RBMX2: variants seen among roughly 807,000 people sequenced by gnomAD.
The protein encoded by RBMX2 is RNA binding motif protein X-linked 2, also known as RNA-binding motif protein, X-linked 2.
For synonymous variants in RBMX2, 77 were observed against 94.3 expected (o/e 0.82, Z 1.07); for missense variants, 191 against 256.0 (o/e 0.75, Z 1.73).
Position 130,411,355 on chromosome X carries a change from G to C in RBMX2, c.311G>C (p.Gly104Ala). The C allele has an allele frequency of 1.7e-6, 2 of 1,184,915 alleles. No homozygotes were observed. The highest frequency in any genetic ancestry group is 6.0e-5 in the East Asian group (2 of 33,155). Reference sequence around the variant, plus strand: ...ATCGCCTGTCTTGCTTAGATCAAAGGAAGAACTATCCGAGTGGATCATGTG... The same window carrying C: ...ATCGCCTGTCTTGCTTAGATCAAAGCAAGAACTATCCGAGTGGATCATGTG... ...VDNFNGIKIK[G>A]RTIRVDHVSN... The change falls in exon 5 of 6, where the codon GGA becomes GCA. Residue 104 changes from glycine (G) to alanine (A), a missense_variant. Transcript: ENST00000305536.
At chrX:130,402,821 C>T (rs751906413) in intron 2 of RBMX2, among the ~76,000 whole-genome samples, 2 of 112,082 alleles carry the variant, frequency 1.8e-5, no homozygotes, top group South Asian at 7.5e-4. Context: ...CTTTGCTCCT[C>T]TAGCTCCTGC....
chrX:130,409,192 T>C, intron 3 of RBMX2, 65 bp from the exon 4 acceptor site: 2 of 1,014,112 alleles, frequency 2.0e-6, no homozygotes, highest in East Asian at 3.1e-5. Flanking sequence ...TTTTGTTTTA[T>C]TACCTTATCT....
chrX:130,411,242 G>C (rs2034510743), intron 4 of RBMX2, 106 bp from the exon 5 acceptor site: 1 of 795,869 alleles, frequency 1.3e-6, no homozygotes, highest in East Asian at 3.3e-5. Context: ...TTAACAAGAA[G>C]GTAAAGGATG....
At chrX:130,408,121 A>G (rs1402474414) in intron 3 of RBMX2, among the ~76,000 whole-genome samples, 1 of 107,208 alleles carries the variant, frequency 9.3e-6, no homozygotes, top group Non-Finnish European at 1.9e-5. Flanking sequence ...GTGAGCCACC[A>G]TGCCTGGCCT....
chrX:130,406,673 CAA>C (rs760646561), intron 3 of RBMX2, among the ~76,000 whole-genome samples: 20 of 58,683 alleles, frequency 3.4e-4, no homozygotes, highest in Non-Finnish European at 1.7e-4. Flanking sequence ...ACTCTGTCTC[CAA>C]AAAAAAAAAA....
Position 130,413,169 on chromosome X carries a change from G to A in RBMX2, c.*321G>A, listed in dbSNP as rs138318926. On this transcript the variant is annotated 3_prime_UTR_variant, in exon 6 of 6. Transcript: ENST00000305536. ...AGATAATTCTAGAATTCTAGTCTTC[G>A]TGTTAGATGTTTATAGCCCAGCATC... 6 of 159,315 alleles carry A rather than the reference G, an allele frequency of 3.8e-5. No individual in the cohort carries two copies. Among genetic ancestry groups the A allele is most frequent in the Admixed American group, 7.6e-5 (1 of 13,193 alleles). The allele number at this position is 159,315 out of a possible 1,213,427, so 13.1% of individuals were successfully genotyped here.
intron 2 of RBMX2, 58 bp downstream of exon 2, chrX:130,402,428 C>CT (rs1473976569): frequency 8.6e-7 from 1 of 1,164,721 alleles, no homozygotes; most frequent in Non-Finnish European, 1.1e-6. Context: ...CGGTTTCCGA[C>CT]TATTTCGGCA....
At chrX:130,410,892 T>C (rs755407218) in intron 4 of RBMX2, among the ~76,000 whole-genome samples, 1 of 112,196 alleles carries the variant, frequency 8.9e-6, no homozygotes, top group African/African-American at 3.2e-5. Context: ...AGAAAGCAGT[T>C]GTAGCATTAA....
chrX:130,409,008 T>C (rs1489638023), intron 3 of RBMX2, among the ~76,000 whole-genome samples: 2 of 112,105 alleles, frequency 1.8e-5, no homozygotes, highest in Non-Finnish European at 3.8e-5. Flanking sequence ...CAGTGTAAAA[T>C]AATCTTCTTA....
rs756619458 is a variant in RBMX2 at position 130,412,566 on chromosome X, G to A, written c.687G>A (p.Thr229=). 19 of 1,209,157 alleles carry A rather than the reference G, an allele frequency of 1.6e-5. No homozygotes were observed. In the East Asian group the frequency reaches 2.4e-4, roughly 15 times the overall value. ...GGCAGAAGCTCCCCAAATCCAGGAC[G>A]GCCTACTCTGGTGGAGCAGAGGACC... is the stretch of plus-strand genomic sequence containing the variant. The part of the protein sequence containing the change: ...REGQKLPKSR[T]AYSGGAEDLE... The change falls in exon 6 of 6, where the codon ACG becomes ACA. Residue 229 remains threonine, a synonymous_variant. Transcript: ENST00000305536.
chrX:130,409,524 C>T, intron 4 of RBMX2, 138 bp downstream of exon 4: 2 of 622,763 alleles, frequency 3.2e-6, no homozygotes, highest in Admixed American at 6.9e-5. Flanking sequence ...TGTGGAGACA[C>T]TGGTCAAGAA....
intron 3 of RBMX2, among the ~76,000 whole-genome samples, chrX:130,406,411 C>T (rs1030126916): frequency 1.8e-5 from 2 of 109,567 alleles, no homozygotes; most frequent in Non-Finnish European, 3.8e-5. Flanking sequence ...CGGTGGCTCA[C>T]GCCTGTAATC....
Position 130,402,125 on chromosome X carries a change from C to G in RBMX2, c.5+88C>G, listed in dbSNP as rs753025194. ...TGGTGTGGTAGAGCGTCTGCGGGGC[C>G]GAGGGGCGGGAGCGGCGCGGGGACT... On this transcript the variant is annotated intron_variant, in intron 1 of 5. Transcript: ENST00000305536. The G allele has an allele frequency of 5.9e-5, 69 of 1,166,450 alleles. 1 individual carries two copies. Among genetic ancestry groups the G allele is most frequent in the Non-Finnish European group, 1.6e-5 (14 of 869,993 alleles).
rs979368848 is a variant in RBMX2 at position 130,412,503 on chromosome X, G to A, written c.624G>A (p.Lys208=). Residue 208 remains lysine (K), a synonymous_variant, in exon 6 of 6, where the codon AAG becomes AAA. Coordinates refer to ENST00000305536, the MANE Select transcript of RBMX2 (RefSeq NM_016024.4). ...CTGGCCCTAAGAAGCACAGCAGCAAGAACTCAGAGAGAGCTCAGAAGTCAG... is the reference window on the plus strand; with the variant it reads ...CTGGCCCTAAGAAGCACAGCAGCAAAAACTCAGAGAGAGCTCAGAAGTCAG... ...DDTGPKKHSS[K]NSERAQKSEP... 1 of 1,210,388 alleles carries A rather than the reference G, an allele frequency of 8.3e-7. No homozygotes were observed. The highest frequency in any genetic ancestry group is 1.1e-6 in the Non-Finnish European group (1 of 895,131).
intron 2 of RBMX2, 101 bp downstream of exon 2, chrX:130,402,471 C>T (rs940452304): frequency 3.6e-6 from 4 of 1,105,212 alleles, no homozygotes; most frequent in East Asian, 3.3e-5. Context: ...ACATTCATCG[C>T]CCACCTTCAT....
Position 130,411,443 on chromosome X carries a change from G to T in RBMX2, c.399G>T (p.Glu133Asp). 2 of 1,210,152 alleles carry T rather than the reference G, an allele frequency of 1.7e-6. No homozygotes were observed. Among genetic ancestry groups the T allele is most frequent in the Non-Finnish European group, 2.2e-6 (2 of 894,809 alleles). ...ATGATGTGACCAGACAACTCCAGGA[G>T]AAGGGCTGTGGGGCTCGTACCCCCT... The part of the protein sequence containing the change: ...EIDDVTRQLQ[E>D]KGCGARTPSP... Residue 133 changes from glutamate to aspartate, a missense_variant, in exon 5 of 6, where the codon GAG becomes GAT. Glu to Asp is a conservative substitution (Grantham distance 45). Transcript: ENST00000305536.
intron 1 of RBMX2, 29 bp from the exon 2 acceptor site, chrX:130,402,226 C>CCCGG: frequency 1.2e-6 from 1 of 835,642 alleles, no homozygotes; most frequent in Non-Finnish European, 1.7e-6. Flanking sequence ...TTTCTGCCTA[C>CCCGG]CCTCCCCACC....
intron 3 of RBMX2, among the ~76,000 whole-genome samples, chrX:130,406,348 T>G (rs891526824): frequency 2.7e-5 from 3 of 111,243 alleles, no homozygotes; most frequent in Non-Finnish European, 5.7e-5. Flanking sequence ...TACTTTGTTG[T>G]GTATTGTATT....
Position 130,402,525 on chromosome X carries a change from C to T in RBMX2, c.121+155C>T, listed in dbSNP as rs188804569. On this transcript the variant is annotated intron_variant, in intron 2 of 5. Transcript: ENST00000305536. ...CGGGAATCCGTGTTACATCTCTTTT[C>T]TGCCCCATTTTTAGTTTTCCTTCCC... Among the ~76,000 whole-genome samples the T allele has an allele frequency of 9.0e-4, 101 of 111,673 alleles. No homozygotes were observed. In the East Asian group the frequency reaches 0.026, roughly 29 times the overall value.
Sources: allele counts gnomAD v4.1 joint callset (sites outside exome capture counted in the v4.1 genomes callset), GRCh38; gene constraint gnomAD v4.1.1; transcripts MANE v1.5; gene names NCBI Gene and HGNC (gene_info 2026-07-23, HGNC 2026-07-21).